NEBL: variants seen among roughly 807,000 people sequenced by gnomAD.
NEBL encodes the protein LIM and SH3 protein 2.
Under a neutral mutation model 140.2 loss-of-function variants are expected in NEBL, and 122 were observed. The observed-to-expected ratio is 0.87, with a 90% confidence interval of 0.75 to 1.01. The LOEUF (loss-of-function observed/expected upper bound fraction) is 1.01, where lower values mean the gene tolerates loss of function less well. Ranked by LOEUF, NEBL falls within the 50% of genes least tolerant of loss-of-function variation. The pLI, the probability that NEBL is intolerant of heterozygous loss-of-function variation, is 0.00. For synonymous variants in NEBL, 436 were observed against 398.9 expected, an observed-to-expected ratio of 1.09 and a Z score of -1.11; for missense variants, 1,365 against 1,231.3, an observed-to-expected ratio of 1.11 and a Z score of -1.62.
Position 21,173,862 on chromosome 10 carries a change from G to A in NEBL, c.-29C>T, listed in dbSNP as rs1490892655. The A allele has an allele frequency of 1.9e-6, 3 of 1,606,034 alleles. No individual in the cohort carries two copies. The highest frequency in any genetic ancestry group is 3.3e-5 in the Admixed American group (2 of 59,868). Reference sequence around the variant, plus strand: ...CGCGGTTCCCGGGGGCGGCGGCGGCGGCGGCTGCTGGCTCCCAGGAGCCGC... The same window carrying A: ...CGCGGTTCCCGGGGGCGGCGGCGGCAGCGGCTGCTGGCTCCCAGGAGCCGC... On this transcript the variant is annotated 5_prime_UTR_variant, in exon 1 of 7. Transcript: ENST00000417816. The surrounding 1 kb of genome is among the most constrained non-coding windows in gnomAD (Gnocchi z 5.7).
chr10:21,125,901 C>T lies in NEBL; in HGVS notation c.164+46482G>A, dbSNP rs565525332. 24 of 1,614,206 alleles carry T rather than the reference C, an allele frequency of 1.5e-5. No homozygotes were observed. The South Asian group carries it at 2.5e-4, about 17-fold the overall frequency. On this transcript the variant is annotated intron_variant, in intron 2 of 6. Transcript: ENST00000417816. ...TGCCCTGGAATTTAAATCCATGCTTCCCTTTGGTTATACCTTCTGGTCCCA... is the reference window on the plus strand; with the variant it reads ...TGCCCTGGAATTTAAATCCATGCTTTCCTTTGGTTATACCTTCTGGTCCCA...
At chr10:21,247,249 T>C (rs1453895699) in intron 3 of NEBL, among the ~76,000 whole-genome samples, 1 of 152,172 alleles carries the variant, frequency 6.6e-6, no homozygotes, top group Non-Finnish European at 1.5e-5. Flanking sequence ...AACAGACTAA[T>C]ATACGTACAA....
At chr10:21,269,379 G>C (rs1270085640) in intron 1 of NEBL, among the ~76,000 whole-genome samples, 1 of 152,214 alleles carries the variant, frequency 6.6e-6, no homozygotes, top group Non-Finnish European at 1.5e-5. Context: ...GATTCGTAGA[G>C]ATGGGATCTC....
intron 26 of NEBL, among the ~76,000 whole-genome samples, chr10:20,791,544 C>G (rs562294730): frequency 1.3e-5 from 2 of 152,120 alleles, no homozygotes; most frequent in East Asian, 3.9e-4. Flanking sequence ...GCTGGACATA[C>G]GCCACCATGC....
In NEBL at chr10:21,076,924, T is replaced by C. The variant is rs545207630; in HGVS notation, c.165-56723A>G. Among the ~76,000 whole-genome samples, 9 of 152,194 alleles carry C rather than the reference T, an allele frequency of 5.9e-5. No individual in the cohort carries two copies. In the South Asian group the frequency reaches 1.9e-3, roughly 32 times the overall value. The stretch of plus-strand genomic sequence containing the variant: ...GACGGAGGGGGAAATGGGGGGTTAG[T>C]GTTTCATGGATGTGGAGTTTCAGTT... On this transcript the variant is annotated intron_variant, in intron 2 of 6. Coordinates refer to the NEBL transcript ENST00000417816.
At chr10:20,869,929 T>C in intron 5 of NEBL, 88 bp from the exon 6 acceptor site, 2 of 910,886 alleles carry the variant, frequency 2.2e-6, no homozygotes, top group African/African-American at 1.6e-5. Context: ...TTATTTATTC[T>C]CATAATAATA....
intron 2 of NEBL, among the ~76,000 whole-genome samples, chr10:21,169,219 T>C (rs972159110): frequency 2.0e-5 from 3 of 150,650 alleles, no homozygotes; most frequent in Admixed American, 6.6e-5. Context: ...CTTTTACTTT[T>C]TTTTCATGTA....
intron 23 of NEBL, 109 bp downstream of exon 23, chr10:20,813,830 A>G: frequency 5.1e-6 from 4 of 779,576 alleles, no homozygotes; most frequent in Non-Finnish European, 9.0e-6. Flanking sequence ...CAAGCCAACC[A>G]CATTTCCATG....
intron 4 of NEBL, among the ~76,000 whole-genome samples, chr10:20,885,183 T>C (rs1029023008): frequency 6.6e-6 from 1 of 152,230 alleles, no homozygotes. Context: ...AATCTGATAC[T>C]ATTTGGACAC....
intron 4 of NEBL, among the ~76,000 whole-genome samples, chr10:20,943,986 T>G (rs1835031686): frequency 6.6e-6 from 1 of 152,244 alleles, no homozygotes; most frequent in Non-Finnish European, 1.5e-5. Flanking sequence ...GTCTGTTTAA[T>G]GAACAAGAGG....
At chr10:21,057,089 G>A (rs1385038203) in intron 2 of NEBL, among the ~76,000 whole-genome samples, 1 of 152,012 alleles carries the variant, frequency 6.6e-6, no homozygotes, top group Non-Finnish European at 1.5e-5. Flanking sequence ...TATACAAGTG[G>A]CCACAAAATA....
rs574550622 is a variant in NEBL, at chr10:21,038,385, C to T, written c.165-18184G>A. ...TTTACTGCCAGCCCCTGGCAGGCCT[C>T]GGTGTGTGATATTCTCCTCCCTGTG... On this transcript the variant is annotated intron_variant, in intron 2 of 6. Coordinates refer to the NEBL transcript ENST00000417816. Among the ~76,000 whole-genome samples, 32 of 152,258 alleles carry T rather than the reference C, an allele frequency of 2.1e-4. 1 individual carries two copies. Among genetic ancestry groups the T allele is most frequent in the African/African-American group, 7.2e-4 (30 of 41,554 alleles).
intron 4 of NEBL, among the ~76,000 whole-genome samples, chr10:20,881,703 T>C (rs1846027787): frequency 6.6e-6 from 1 of 152,242 alleles, no homozygotes; most frequent in African/African-American, 2.4e-5. Context: ...TCGTGTTCAC[T>C]GAATCCTCAG....
chr10:21,077,211 CT>C (rs1000665733), intron 2 of NEBL, among the ~76,000 whole-genome samples: 1 of 150,800 alleles, frequency 6.6e-6, no homozygotes, highest in Admixed American at 6.6e-5. Flanking sequence ...CATGCTTAAT[CT>C]ACTTTTCTTC....
chr10:21,252,798 A>G (rs1320233802), intron 1 of NEBL, among the ~76,000 whole-genome samples: 1 of 152,174 alleles, frequency 6.6e-6, no homozygotes, highest in African/African-American at 2.4e-5. Context: ...TCTACTAAAA[A>G]TACAAAATTA....
chr10:20,780,822 A>C lies in NEBL; in HGVS notation c.*4925T>G, dbSNP rs1454997765. ...GGAACACATTAAAGCCATTGCTGAC[A>C]CAGCCATCTGTCATTCCTGGTTTGC... On this transcript the variant is annotated 3_prime_UTR_variant, in exon 28 of 28. Transcript: ENST00000377122. 6.6e-6 allele frequency: 1 copy of C among 152,214 alleles called. No homozygotes were observed. Among genetic ancestry groups the C allele is most frequent in the Non-Finnish European group, 1.5e-5 (1 of 68,032 alleles). 9.4% of individuals were successfully genotyped at this position (152,214 alleles called of 1,614,324 possible).
chr10:20,884,943 C>T (rs1029465435), intron 4 of NEBL, among the ~76,000 whole-genome samples: 1 of 152,258 alleles, frequency 6.6e-6, no homozygotes, highest in African/African-American at 2.4e-5. Flanking sequence ...AAAAACTCTA[C>T]ATCTCTCTCT....
rs567866199 is a variant in NEBL, at chr10:20,783,188, T to C, written c.*2559A>G. 3.9e-5 allele frequency: 6 copies of C among 152,572 alleles called. No homozygotes were observed. The East Asian group carries it at 9.6e-4, about 25-fold the overall frequency. The allele number at this position is 152,572 out of a possible 1,614,324, so 9.5% of individuals were successfully genotyped here. ...TTCAGGCATGTCATTTTTTTTTAAATGATGCTTTTAAAAATAGCACTTTGG... is the reference window on the plus strand; with the variant it reads ...TTCAGGCATGTCATTTTTTTTTAAACGATGCTTTTAAAAATAGCACTTTGG... On this transcript the variant is annotated 3_prime_UTR_variant, in exon 28 of 28. Coordinates refer to ENST00000377122, the MANE Select transcript of NEBL (RefSeq NM_006393.3).
At chr10:21,230,651 C>T (rs1166638688) in intron 3 of NEBL, among the ~76,000 whole-genome samples, 1 of 148,692 alleles carries the variant, frequency 6.7e-6, no homozygotes, top group Admixed American at 6.8e-5. Flanking sequence ...GTCGCCCAGG[C>T]TGGAGTGCAG....
Sources: gnomAD v4.1 joint callset for allele counts (sites outside exome capture counted in the v4.1 genomes callset) on GRCh38, gnomAD v4.1.1 for gene constraint, Gnocchi (gnomAD v3.1) non-coding constraint, MANE v1.5 for transcripts, NCBI Gene and HGNC (gene_info 2026-07-23, HGNC 2026-07-21) for gene names.